SAMD3: variants seen among roughly 807,000 people sequenced by gnomAD.
The protein encoded by SAMD3 is sterile alpha motif domain containing 3.
SAMD3 carries 63 observed loss-of-function variants against 58.5 expected under a neutral mutation model. The observed-to-expected ratio is 1.08, with a 90% CI of 0.88 to 1.33. The LOEUF is 1.33. SAMD3 is among the 40% of genes most tolerant of loss of function. SAMD3 has a pLI of 0.00. For missense variants in SAMD3, 604 were observed against 608.4 expected, an observed-to-expected ratio of 0.99 and a Z score of 0.08; for synonymous variants, 220 against 210.3, an observed-to-expected ratio of 1.05 and a Z score of -0.40.
chr6:130,264,129 G>T (rs569050562), intron 2 of SAMD3, among the ~76,000 whole-genome samples: 1 of 152,322 alleles, frequency 6.6e-6, no homozygotes, highest in African/African-American at 2.4e-5. Context: ...CAGAGGCCCA[G>T]ATTGTCCCCC....
intron 2 of SAMD3, among the ~76,000 whole-genome samples, chr6:130,302,540 A>G (rs1398236711): frequency 6.6e-6 from 1 of 152,230 alleles, no homozygotes; most frequent in Non-Finnish European, 1.5e-5. Context: ...AGAACTAAAA[A>G]TAGAACTACC....
chr6:130,275,947 G>C (rs1774760706), intron 2 of SAMD3, among the ~76,000 whole-genome samples: 1 of 152,054 alleles, frequency 6.6e-6, no homozygotes. Context: ...TAGAATCTAT[G>C]AATATGTTGC....
chr6:130,179,266 C>G (rs568387148), intron 7 of SAMD3, among the ~76,000 whole-genome samples: 2 of 152,252 alleles, frequency 1.3e-5, no homozygotes, highest in Admixed American at 1.3e-4. Flanking sequence ...TGCTATATGC[C>G]TGACACCATG....
At chr6:130,333,782 T>A (rs1562527191) in intron 1 of SAMD3, among the ~76,000 whole-genome samples, 1 of 152,166 alleles carries the variant, frequency 6.6e-6, no homozygotes, top group Non-Finnish European at 1.5e-5. Flanking sequence ...GAGAGTTTCA[T>A]CTCTAGCTCA....
At chr6:130,151,742 A>AT (rs1456527089) in intron 9 of SAMD3, among the ~76,000 whole-genome samples, 2 of 152,000 alleles carry the variant, frequency 1.3e-5, no homozygotes, top group Non-Finnish European at 1.5e-5. Flanking sequence ...TGCCTGGCCG[A>AT]TTTTTTTAAT....
At chr6:130,268,651 A>G (rs542788377) in intron 2 of SAMD3, among the ~76,000 whole-genome samples, 70 of 152,292 alleles carry the variant, frequency 4.6e-4, no homozygotes, top group African/African-American at 1.7e-3. Context: ...TTGTGTTACA[A>G]TTGCTGATAA....
chr6:130,358,051 T>A (rs1340351676), intron 1 of SAMD3, among the ~76,000 whole-genome samples: 1 of 152,228 alleles, frequency 6.6e-6, no homozygotes. Context: ...ATTTATTATT[T>A]TCTGTCTGCT....
At chr6:130,353,182 G>T (rs1777731582) in intron 1 of SAMD3, among the ~76,000 whole-genome samples, 1 of 152,172 alleles carries the variant, frequency 6.6e-6, no homozygotes, top group Admixed American at 6.5e-5. Flanking sequence ...GGAGAGAGAG[G>T]CAGTAGAATG....
intron 1 of SAMD3, among the ~76,000 whole-genome samples, chr6:130,347,345 C>T (rs12202436): frequency 0.18 from 27,000 of 151,964 alleles, 2,629 homozygotes; most frequent in East Asian, 0.36. Context: ...ATTAGACAAA[C>T]GGCTAACTAG....
chr6:130,343,504 T>G (rs911166023), intron 1 of SAMD3, among the ~76,000 whole-genome samples: 4 of 152,204 alleles, frequency 2.6e-5, no homozygotes, highest in African/African-American at 9.6e-5. Context: ...CATATTCCTT[T>G]CGTGGAAGTC....
At chr6:130,341,738 G>C (rs1777282115) in intron 1 of SAMD3, among the ~76,000 whole-genome samples, 1 of 152,090 alleles carries the variant, frequency 6.6e-6, no homozygotes, top group South Asian at 2.1e-4. Context: ...TATTTTAGCA[G>C]ATTGTTAAAC....
In SAMD3 at chr6:130,329,405, A is replaced by C. The variant is rs539812421; in HGVS notation, c.-303-16312T>G. 9.7e-4 allele frequency among the ~76,000 whole-genome samples: 147 copies of C among 152,284 alleles called. 1 individual carries two copies. Among genetic ancestry groups the C allele is most frequent in the African/African-American group, 3.3e-3 (137 of 41,560 alleles). On this transcript the variant is annotated intron_variant, in intron 1 of 13. Transcript: ENST00000368134. ...TTTCACATAAAAAGCACCCAAAATG[A>C]GGTCCTGGATGGCAGTAGAATGAAA...
intron 2 of SAMD3, among the ~76,000 whole-genome samples, chr6:130,273,847 T>G (rs1415644617): frequency 6.6e-6 from 1 of 152,156 alleles, no homozygotes; most frequent in Non-Finnish European, 1.5e-5. Flanking sequence ...CTGTTTATAC[T>G]GTAACTTCAT....
chr6:130,186,344 A>G (rs1258822773), intron 5 of SAMD3, among the ~76,000 whole-genome samples: 1 of 152,198 alleles, frequency 6.6e-6, no homozygotes, highest in Non-Finnish European at 1.5e-5. Context: ...ATAATGTGAT[A>G]TGGAGAATCA....
chr6:130,241,600 C>T (rs1773361628), intron 2 of SAMD3, among the ~76,000 whole-genome samples: 1 of 151,878 alleles, frequency 6.6e-6, no homozygotes, highest in Non-Finnish European at 1.5e-5. Flanking sequence ...TGACTTGCCA[C>T]CAATTACCCC....
At chr6:130,329,455 G>A (rs1365724787) in intron 1 of SAMD3, among the ~76,000 whole-genome samples, 2 of 152,080 alleles carry the variant, frequency 1.3e-5, no homozygotes, top group African/African-American at 2.4e-5. Context: ...AATGAAAATG[G>A]TTCAGTTGGT....
chr6:130,299,044 A>T (rs1358773005), intron 2 of SAMD3, among the ~76,000 whole-genome samples: 1 of 152,170 alleles, frequency 6.6e-6, no homozygotes. Context: ...ACAACACTAG[A>T]CAGATCACTG....
At chr6:130,202,726 A>G (rs972412427) in intron 5 of SAMD3, among the ~76,000 whole-genome samples, 2 of 152,200 alleles carry the variant, frequency 1.3e-5, no homozygotes, top group Non-Finnish European at 2.9e-5. Context: ...GGAAATCTCT[A>G]ATCAAGGAAT....
In SAMD3 at chr6:130,206,637, G is replaced by A. The variant is rs1192217012; in HGVS notation, c.383+2858C>T. The stretch of plus-strand genomic sequence containing the variant: ...TTACTTTTTGAAACATTAATTCTAA[G>A]GTGCGGTATGCAGAGATGGGCAGCT... On this transcript the variant is annotated intron_variant, in intron 5 of 11. Transcript: ENST00000439090. Among the ~76,000 whole-genome samples the A allele has an allele frequency of 3.9e-5, 6 of 152,212 alleles. No homozygotes were observed. The East Asian group carries it at 1.2e-3, about 29-fold the overall frequency.
Sources: allele counts gnomAD v4.1 joint callset (sites outside exome capture counted in the v4.1 genomes callset), GRCh38; gene constraint gnomAD v4.1.1; transcripts MANE v1.5; gene names NCBI Gene and HGNC (gene_info 2026-07-23, HGNC 2026-07-21).